The following CSMD3 variants were observed in gnomAD, a reference collection of about 807,000 sequenced individuals.
CSMD3 encodes CUB and Sushi multiple domains 3, also known as CUB and sushi domain-containing protein 3.
Under a neutral mutation model 435.2 loss-of-function variants are expected in CSMD3, and 177 were observed. That is an observed-to-expected ratio of 0.41 (90% CI 0.36 to 0.46). The LOEUF is 0.46. CSMD3 is among the 20% of genes least tolerant of loss of function. The probability of loss-of-function intolerance (pLI) is 0.34; values close to 1 mark genes in which losing one functional copy is unlikely to be tolerated. For missense variants in CSMD3, 4,265 were observed against 4,504.6 expected (o/e 0.95, Z 1.52); for synonymous variants, 1,656 against 1,520.5 (o/e 1.09, Z -2.07).
intron 58 of CSMD3, 106 bp from the exon 59 acceptor site, chr8:112,281,456 A>G (rs1366243004): frequency 5.8e-6 from 5 of 864,082 alleles, no homozygotes; most frequent in Non-Finnish European, 3.7e-6. Context: ...AAGAAGCAAT[A>G]AAAACTTCTA....
At chr8:112,324,567 A>T (rs1232411869) in intron 45 of CSMD3, among the ~76,000 whole-genome samples, 13 of 134,202 alleles carry the variant, frequency 9.7e-5, no homozygotes, top group Non-Finnish European at 1.7e-5. Context: ...AGTTGAAGCA[A>T]GGGGTGTGTG....
At chr8:112,719,256 G>A (rs1396766988) in intron 13 of CSMD3, among the ~76,000 whole-genome samples, 1 of 152,068 alleles carries the variant, frequency 6.6e-6, no homozygotes, top group East Asian at 1.9e-4. Flanking sequence ...TAAAAGTTAT[G>A]ACTATTTTCC....
At chr8:112,294,520 A>G (rs1341292772) in intron 54 of CSMD3, among the ~76,000 whole-genome samples, 1 of 152,208 alleles carries the variant, frequency 6.6e-6, no homozygotes, top group East Asian at 1.9e-4. Context: ...TGTGATCTGA[A>G]ACACTAAATA....
At chr8:113,018,416 T>C (rs936056792) in intron 6 of CSMD3, among the ~76,000 whole-genome samples, 1 of 151,986 alleles carries the variant, frequency 6.6e-6, no homozygotes, top group African/African-American at 2.4e-5. Context: ...ATGCTTACTA[T>C]TCCCTGAAAA....
At chr8:113,165,054 T>A (rs1444053015) in intron 4 of CSMD3, among the ~76,000 whole-genome samples, 22 of 152,148 alleles carry the variant, frequency 1.4e-4, no homozygotes, top group Admixed American at 1.4e-3. Context: ...TGAGTTTATA[T>A]CCTAGCAGGA....
Position 112,867,725 on chromosome 8 carries a change from G to T in CSMD3, c.1634-8459C>A, listed in dbSNP as rs1029716950. Among the ~76,000 whole-genome samples the T allele has an allele frequency of 2.0e-5, 3 of 152,024 alleles. No homozygotes were observed. In the South Asian group the frequency reaches 6.2e-4, roughly 32 times the overall value. On this transcript the variant is annotated intron_variant, in intron 10 of 70. Transcript: ENST00000297405. ...ATATCATACAAAAAAATTAAAAATG[G>T]TACACCTGTATAGGGGCACTTACCA... is the stretch of plus-strand genomic sequence containing the variant.
intron 19 of CSMD3, 33 bp from the exon 20 acceptor site, chr8:112,645,258 G>T: frequency 8.8e-7 from 1 of 1,138,810 alleles, no homozygotes; most frequent in Non-Finnish European, 1.3e-6. Context: ...CATGTGATCA[G>T]CAGTGAGAGA....
At chr8:112,540,342 A>G (rs891264909) in intron 27 of CSMD3, among the ~76,000 whole-genome samples, 1 of 152,064 alleles carries the variant, frequency 6.6e-6, no homozygotes, top group African/African-American at 2.4e-5. Context: ...GTGAATGTTA[A>G]TTAATGCAGC....
intron 70 of CSMD3, 67 bp from the exon 71 acceptor site, chr8:112,224,997 A>G (rs2129769682): frequency 7.3e-7 from 1 of 1,370,416 alleles, no homozygotes. Context: ...TACAGCTCAA[A>G]CATAATGTAC....
At chr8:112,491,240 G>A (rs1488357876) in intron 31 of CSMD3, among the ~76,000 whole-genome samples, 1 of 152,058 alleles carries the variant, frequency 6.6e-6, no homozygotes, top group African/African-American at 2.4e-5. Context: ...AGTAAAAAAT[G>A]CAATTTATAT....
chr8:113,160,425 A>T (rs773484219), intron 4 of CSMD3, among the ~76,000 whole-genome samples: 3 of 151,984 alleles, frequency 2.0e-5, no homozygotes, highest in Admixed American at 6.6e-5. Flanking sequence ...CAAGGTGTTC[A>T]GTCATAAGGC....
At chr8:113,200,311 C>G (rs918604778) in intron 3 of CSMD3, among the ~76,000 whole-genome samples, 1 of 151,738 alleles carries the variant, frequency 6.6e-6, no homozygotes, top group Non-Finnish European at 1.5e-5. Context: ...TCAAACCAAC[C>G]AAGTCTCTCA....
intron 45 of CSMD3, among the ~76,000 whole-genome samples, chr8:112,320,428 TAACTC>T (rs1822884126): frequency 1.3e-5 from 2 of 152,136 alleles, no homozygotes; most frequent in Non-Finnish European, 2.9e-5. Context: ...TATAAATACT[TAACTC>T]AATCCTCACA....
At position 112,703,819 on chromosome 8, in the gene CSMD3, C is replaced by T. The variant is rs143114334; in HGVS notation, c.1973-13769G>A. Reference sequence around the variant, plus strand: ...CTCACCTTCAAGCATCTCAGACAAACGAGACTATAGTCAATATTTAGAGAG... The same window carrying T: ...CTCACCTTCAAGCATCTCAGACAAATGAGACTATAGTCAATATTTAGAGAG... On this transcript the variant is annotated intron_variant, in intron 13 of 70. Coordinates refer to ENST00000297405, the MANE Select transcript of CSMD3 (RefSeq NM_198123.2). Among the ~76,000 whole-genome samples, 512 of 152,124 alleles carry T rather than the reference C, an allele frequency of 3.4e-3. 4 individuals carry two copies. The highest frequency in any genetic ancestry group is 0.011 in the African/African-American group (441 of 41,524).
intron 22 of CSMD3, among the ~76,000 whole-genome samples, chr8:112,626,820 A>G (rs1467561762): frequency 1.3e-5 from 2 of 152,170 alleles, no homozygotes; most frequent in Admixed American, 6.6e-5. Context: ...GGGGATACAT[A>G]CAGAATATTG....
chr8:112,805,741 C>G (rs2079070488), intron 12 of CSMD3, among the ~76,000 whole-genome samples: 1 of 152,158 alleles, frequency 6.6e-6, no homozygotes, highest in Admixed American at 6.5e-5. Flanking sequence ...AACAAGTTTA[C>G]ATTTCTGTTG....
chr8:112,451,166 T>C (rs962821017), intron 32 of CSMD3, among the ~76,000 whole-genome samples: 7 of 152,300 alleles, frequency 4.6e-5, no homozygotes, highest in Middle Eastern at 3.4e-3. Context: ...TATTTTATAT[T>C]TGCTATTTCA....
At chr8:113,317,584 C>T (rs1252551414) in intron 1 of CSMD3, among the ~76,000 whole-genome samples, 7 of 152,154 alleles carry the variant, frequency 4.6e-5, no homozygotes. Context: ...CACAAAGTTA[C>T]ATTAAACATA....
rs1472277228 is a variant in CSMD3 at position 112,390,678 on chromosome 8, C to T, written c.5920G>A (p.Gly1974Arg). ...AATATTCTTACTTGAATGCCAGCTCCCTCTGGCACTGTGATCTTCCACACA... is the reference window on the plus strand; with the variant it reads ...AATATTCTTACTTGAATGCCAGCTCTCTCTGGCACTGTGATCTTCCACACA... ...NCVWKITVPE[G>R]AGIQVQVVSF... Residue 1974 changes from glycine to arginine, a missense_variant, in exon 36 of 71, where the codon GGA becomes AGA. Around this residue, in one of 3 missense-constraint regions of CSMD3, gnomAD observed 3,255 missense variants for 3,380.2 expected, o/e 0.96. Coordinates refer to ENST00000297405, the MANE Select transcript of CSMD3 (RefSeq NM_198123.2). 30 of 1,612,634 alleles carry T rather than the reference C, an allele frequency of 1.9e-5. No individual in the cohort carries two copies. The highest frequency in any genetic ancestry group is 2.3e-5 in the Non-Finnish European group (27 of 1,178,814).
Sources: allele counts gnomAD v4.1 joint callset (sites outside exome capture counted in the v4.1 genomes callset), GRCh38; gene constraint gnomAD v4.1.1; regional missense constraint gnomAD v4.1.1; transcripts MANE v1.5; gene names NCBI Gene and HGNC (gene_info 2026-07-23, HGNC 2026-07-21).